RARB: variants seen among roughly 807,000 people sequenced by gnomAD.
The protein encoded by RARB is HBV-activated protein.
In RARB, 17 loss-of-function variants were observed where a neutral mutation model predicts 51.9. The observed-to-expected ratio is 0.33, with a 90% CI of 0.22 to 0.49. The LOEUF is 0.49. Ranked by LOEUF, RARB falls within the 20% of genes least tolerant of loss-of-function variation. The pLI, the probability that RARB is intolerant of heterozygous loss-of-function variation, is 0.99. For missense variants in RARB, 369 were observed against 550.8 expected (o/e 0.67, Z 3.30); for synonymous variants, 215 against 195.4 (o/e 1.10, Z -0.84).
At chr3:25,050,187 G>A (rs1488571722) in intron 2 of RARB, among the ~76,000 whole-genome samples, 1 of 152,160 alleles carries the variant, frequency 6.6e-6, no homozygotes, top group Non-Finnish European at 1.5e-5. Flanking sequence ...ATATTGAAAT[G>A]ACTATGCAAC....
chr3:24,974,196 A>T (rs116808025), intron 2 of RARB, among the ~76,000 whole-genome samples: 1 of 152,244 alleles, frequency 6.6e-6, no homozygotes, highest in East Asian at 1.9e-4. Context: ...TCCAGCATCA[A>T]TTGAAATAAT....
chr3:24,909,207 G>A (rs1694937789), intron 2 of RARB, among the ~76,000 whole-genome samples: 5 of 152,170 alleles, frequency 3.3e-5, no homozygotes, highest in Admixed American at 3.3e-4. Context: ...GTTATACTCT[G>A]TTCTCTATTA....
At position 25,493,912 on chromosome 3, in the gene RARB, A is replaced by G. The variant is rs139137603; in HGVS notation, c.307-7270A>G. 5.9e-3 allele frequency among the ~76,000 whole-genome samples: 892 copies of G among 152,338 alleles called. 6 individuals carry two copies. The highest frequency in any genetic ancestry group is 0.02 in the Middle Eastern group (6 of 294). ...AAATAACTTCCATTCAAAACACCAC[A>G]GTATGAATTCTCACAAGCAAATGTA... On this transcript the variant is annotated intron_variant, in intron 2 of 7. Coordinates refer to ENST00000330688, the MANE Select transcript of RARB (RefSeq NM_000965.5).
At chr3:25,121,161 A>C (rs1699778025) in intron 3 of RARB, among the ~76,000 whole-genome samples, 1 of 152,190 alleles carries the variant, frequency 6.6e-6, no homozygotes. Flanking sequence ...TATACTGGAA[A>C]GATCATTTCT....
chr3:25,197,081 A>G (rs747146139), intron 5 of RARB, among the ~76,000 whole-genome samples: 27 of 151,992 alleles, frequency 1.8e-4, no homozygotes, highest in Non-Finnish European at 3.1e-4. Context: ...ATTCGATGCC[A>G]TTTGTCTGTT....
intron 2 of RARB, among the ~76,000 whole-genome samples, chr3:24,907,160 C>T (rs756715895): frequency 5.3e-5 from 8 of 152,110 alleles, no homozygotes; most frequent in South Asian, 4.1e-4. Flanking sequence ...GAGAAAAGGG[C>T]CATGGGCAAA....
At chr3:25,518,650 C>T (rs756925312) in intron 3 of RARB, among the ~76,000 whole-genome samples, 5 of 152,146 alleles carry the variant, frequency 3.3e-5, no homozygotes, top group Non-Finnish European at 7.4e-5. Flanking sequence ...AGAGTTGACT[C>T]TCCTCTTCAT....
chr3:25,170,583 T>G (rs765644985), intron 4 of RARB, among the ~76,000 whole-genome samples: 3 of 152,210 alleles, frequency 2.0e-5, no homozygotes, highest in Non-Finnish European at 2.9e-5. Context: ...AGTATTATGT[T>G]TATAAAATAA....
intron 1 of RARB, among the ~76,000 whole-genome samples, chr3:24,837,517 T>G (rs1301550624): frequency 6.6e-6 from 1 of 152,254 alleles, no homozygotes; most frequent in South Asian, 2.1e-4. Flanking sequence ...TTAGAGTAGA[T>G]AGCTTTTTGC....
rs1695175956 is a variant in RARB, at chr3:24,919,522, C to T, written c.-380+60770C>T. Among the ~76,000 whole-genome samples, 3 of 152,126 alleles carry T rather than the reference C, an allele frequency of 2.0e-5. No homozygotes were observed. The South Asian group carries it at 6.2e-4, about 32-fold the overall frequency. On this transcript the variant is annotated intron_variant, in intron 2 of 11. Coordinates refer to the RARB transcript ENST00000383772. The stretch of plus-strand genomic sequence containing the variant: ...TGTTTCTGTACCTCACTTCCATTTA[C>T]TGTACGTCACTTTCTTTTTCTGTCC...
chr3:25,331,873 A>G (rs1471477279), intron 5 of RARB, among the ~76,000 whole-genome samples: 1 of 152,214 alleles, frequency 6.6e-6, no homozygotes, highest in Non-Finnish European at 1.5e-5. Context: ...AATACAAACT[A>G]CCATCAGAGA....
chr3:25,102,307 G>A (rs1000684409), intron 3 of RARB, among the ~76,000 whole-genome samples: 2 of 152,082 alleles, frequency 1.3e-5, no homozygotes, highest in African/African-American at 4.8e-5. Flanking sequence ...TTGGGAAGCC[G>A]AGGCAGGTTG....
intron 4 of RARB, among the ~76,000 whole-genome samples, chr3:25,169,133 T>C (rs565803288): frequency 6.6e-6 from 1 of 152,280 alleles, no homozygotes; most frequent in African/African-American, 2.4e-5. Context: ...CACAAAAATA[T>C]TGTAATTCAT....
chr3:25,191,674 T>G (rs1485243700), intron 5 of RARB, among the ~76,000 whole-genome samples: 1 of 152,106 alleles, frequency 6.6e-6, no homozygotes, highest in Non-Finnish European at 1.5e-5. Flanking sequence ...GGGAAGACAT[T>G]AACTCAGTCT....
chr3:25,235,201 T>C (rs1702275010), intron 5 of RARB, among the ~76,000 whole-genome samples: 1 of 152,202 alleles, frequency 6.6e-6, no homozygotes, highest in South Asian at 2.1e-4. Flanking sequence ...TGCAGTTGTT[T>C]ACTTTTCAGA....
At chr3:25,341,438 G>T (rs1422056406) in intron 5 of RARB, among the ~76,000 whole-genome samples, 1 of 152,146 alleles carries the variant, frequency 6.6e-6, no homozygotes, top group Non-Finnish European at 1.5e-5. Context: ...GAGAGAATTT[G>T]CCACCTATTT....
At chr3:25,328,203 G>A (rs6806988) in intron 5 of RARB, among the ~76,000 whole-genome samples, 29,438 of 152,182 alleles carry the variant, frequency 0.19, 3,040 homozygotes, top group African/African-American at 0.26. Context: ...TAGAGATCAG[G>A]ATAAACGGAT....
intron 2 of RARB, among the ~76,000 whole-genome samples, chr3:24,870,689 T>G (rs2125348883): frequency 6.6e-6 from 1 of 152,210 alleles, no homozygotes. Flanking sequence ...ATGTATGTGT[T>G]TGGTGGAGGT....
chr3:25,566,532 C>T (rs751616448), intron 3 of RARB, among the ~76,000 whole-genome samples: 2 of 152,220 alleles, frequency 1.3e-5, no homozygotes, highest in African/African-American at 4.8e-5. Context: ...TGTGTGATCA[C>T]TGCACAACCC....
Sources: allele counts gnomAD v4.1 joint callset (sites outside exome capture counted in the v4.1 genomes callset), GRCh38; gene constraint gnomAD v4.1.1; transcripts MANE v1.5; gene names NCBI Gene and HGNC (gene_info 2026-07-23, HGNC 2026-07-21).